The following TMEM132B variants were observed in gnomAD, a reference collection of about 807,000 sequenced individuals.
TMEM132B encodes the protein transmembrane protein 132B.
In TMEM132B, 18 loss-of-function variants were observed where a neutral mutation model predicts 90.8. The observed-to-expected ratio is 0.20, with a 90% confidence interval of 0.14 to 0.29. The LOEUF (loss-of-function observed/expected upper bound fraction) is 0.29, where lower values mean the gene tolerates loss of function less well. Ranked by LOEUF, TMEM132B falls within the 10% of genes least tolerant of loss-of-function variation. The pLI, the probability that TMEM132B is intolerant of heterozygous loss-of-function variation, is 1.00. For missense variants in TMEM132B, 1,096 were observed against 1,326.8 expected, an observed-to-expected ratio of 0.83 and a Z score of 2.70; for synonymous variants, 504 against 523.3, an observed-to-expected ratio of 0.96 and a Z score of 0.50.
At chr12:125,475,155 AGT>A (rs377654898) in intron 3 of TMEM132B, among the ~76,000 whole-genome samples, 5 of 151,494 alleles carry the variant, frequency 3.3e-5, no homozygotes, top group Non-Finnish European at 5.9e-5. Context: ...ATAAATTAGA[AGT>A]GTGTGTGTGT....
chr12:125,399,473 GTGTGTGTGTA>G (rs765352537), intron 2 of TMEM132B, among the ~76,000 whole-genome samples: 17,352 of 84,026 alleles, frequency 0.21, 1,227 homozygotes, highest in East Asian at 0.46. Context: ...GTGTGTGTGT[GTGTGTGTGTA>G]TGTGTGTGTG....
chr12:125,477,299 G>A (rs1396484808), intron 3 of TMEM132B, among the ~76,000 whole-genome samples: 1 of 151,962 alleles, frequency 6.6e-6, no homozygotes. Flanking sequence ...ACTCAAAACT[G>A]ATCTTATCAT....
At chr12:125,470,553 C>G (rs1881686866) in intron 3 of TMEM132B, among the ~76,000 whole-genome samples, 1 of 152,200 alleles carries the variant, frequency 6.6e-6, no homozygotes, top group Non-Finnish European at 1.5e-5. Flanking sequence ...AGGCTTTCCC[C>G]TCTGGAAACC....
chr12:125,438,939 A>T (rs1172977774), intron 3 of TMEM132B, among the ~76,000 whole-genome samples: 1 of 152,232 alleles, frequency 6.6e-6, no homozygotes. Context: ...CATGATACAG[A>T]CATTCCATAA....
chr12:125,311,898 G>A (rs1282756026), intron 1 of TMEM132B, among the ~76,000 whole-genome samples: 1 of 152,202 alleles, frequency 6.6e-6, no homozygotes, highest in Non-Finnish European at 1.5e-5. Flanking sequence ...CTAGATGAGA[G>A]ATGTTCCAGA....
intron 1 of TMEM132B, among the ~76,000 whole-genome samples, chr12:125,319,987 G>A (rs1324757813): frequency 4.6e-5 from 7 of 152,212 alleles, no homozygotes; most frequent in East Asian, 1.9e-4. Context: ...ATTGCACGCC[G>A]GCCTGGGCAA....
At chr12:125,360,504 A>G (rs945903081) in intron 2 of TMEM132B, among the ~76,000 whole-genome samples, 1 of 152,214 alleles carries the variant, frequency 6.6e-6, no homozygotes, top group African/African-American at 2.4e-5. Flanking sequence ...CACATTAGAC[A>G]TCGTTAGACT....
chr12:125,325,668 CCTGTGTGTGTGT>C (rs1395067103), intron 1 of TMEM132B, among the ~76,000 whole-genome samples: 2,223 of 139,446 alleles, frequency 0.016, 59 homozygotes, highest in African/African-American at 0.055. Context: ...TGCCTCCCAC[CCTGTGTGTGTGT>C]GTGTGTGTGT....
intron 3 of TMEM132B, among the ~76,000 whole-genome samples, chr12:125,430,940 G>A (rs1880482075): frequency 6.6e-6 from 1 of 152,162 alleles, no homozygotes; most frequent in Non-Finnish European, 1.5e-5. Context: ...TGGGGAGGAG[G>A]CAGGGAGAGA....
intron 5 of TMEM132B, among the ~76,000 whole-genome samples, chr12:125,601,116 G>A (rs1885559586): frequency 6.6e-6 from 1 of 152,052 alleles, no homozygotes; most frequent in African/African-American, 2.4e-5. Flanking sequence ...ATCAAGTGGA[G>A]CTAATAAACA....
intron 1 of TMEM132B, among the ~76,000 whole-genome samples, chr12:125,305,002 C>T (rs1390549935): frequency 1.3e-5 from 2 of 152,214 alleles, no homozygotes; most frequent in East Asian, 3.9e-4. Flanking sequence ...GGAAGTAAGA[C>T]ATTTGCTTTG....
At chr12:125,432,511 G>GTATATATATATATA (rs746916124) in intron 3 of TMEM132B, among the ~76,000 whole-genome samples, 13 of 18,554 alleles carry the variant, frequency 7.0e-4, no homozygotes, top group African/African-American at 2.6e-3. Flanking sequence ...ATGTGTGTGT[G>GTATATATATATATA]TATATATATA....
chr12:125,563,607 A>C (rs7961775), intron 4 of TMEM132B, among the ~76,000 whole-genome samples: 4,240 of 149,706 alleles, frequency 0.028, 89 homozygotes, highest in East Asian at 0.044. Flanking sequence ...ACAAAAAAAA[A>C]CCCCACAGTA....
intron 4 of TMEM132B, among the ~76,000 whole-genome samples, chr12:125,540,621 A>G (rs1232647536): frequency 1.3e-5 from 2 of 152,182 alleles, no homozygotes; most frequent in African/African-American, 4.8e-5. Flanking sequence ...ATACTGTTAT[A>G]GCCACTGTGG....
intron 3 of TMEM132B, among the ~76,000 whole-genome samples, chr12:125,421,583 G>A (rs1880168955): frequency 6.6e-6 from 1 of 152,196 alleles, no homozygotes; most frequent in South Asian, 2.1e-4. Context: ...TATGAGATCT[G>A]GGTGAGGACA....
intron 1 of TMEM132B, among the ~76,000 whole-genome samples, chr12:125,217,949 A>G (rs774660109): frequency 6.6e-6 from 1 of 152,214 alleles, no homozygotes; most frequent in African/African-American, 2.4e-5. Context: ...TGATTAAGCA[A>G]ATTATGACAT....
chr12:125,339,157 G>C (rs1593092658), intron 1 of TMEM132B, among the ~76,000 whole-genome samples: 1 of 152,126 alleles, frequency 6.6e-6, no homozygotes, highest in Non-Finnish European at 1.5e-5. Context: ...ATAGGATTTT[G>C]ATAAAGAACA....
At chr12:125,319,247 G>C (rs888694417) in intron 1 of TMEM132B, among the ~76,000 whole-genome samples, 7 of 152,236 alleles carry the variant, frequency 4.6e-5, no homozygotes, top group Middle Eastern at 6.3e-3. Flanking sequence ...CTCAGAGCCG[G>C]TGGCAGTGTA....
intron 1 of TMEM132B, among the ~76,000 whole-genome samples, chr12:125,290,850 A>G (rs1250165618): frequency 1.3e-5 from 2 of 152,204 alleles, no homozygotes; most frequent in Non-Finnish European, 2.9e-5. Flanking sequence ...CAAGGCATGT[A>G]TGGTAGACAG....
Sources: gnomAD v4.1 joint callset for allele counts (sites outside exome capture counted in the v4.1 genomes callset) on GRCh38, gnomAD v4.1.1 for gene constraint, MANE v1.5 for transcripts, NCBI Gene and HGNC (gene_info 2026-07-23, HGNC 2026-07-21) for gene names.